The following MPRIP variants were observed in gnomAD, a reference collection of about 807,000 sequenced individuals.
MPRIP encodes the protein myosin phosphatase Rho interacting protein.
In MPRIP, 59 loss-of-function variants were observed where a neutral mutation model predicts 234.9. The observed-to-expected ratio is 0.25, with a 90% CI of 0.20 to 0.31. The LOEUF (loss-of-function observed/expected upper bound fraction) is 0.31. Ranked by LOEUF, MPRIP falls within the 10% of genes least tolerant of loss-of-function variation. The pLI is 1.00. For missense variants in MPRIP, 2,436 were observed against 3,071.0 expected (o/e 0.79, Z 4.89); for synonymous variants, 1,144 against 1,263.9 (o/e 0.91, Z 2.01).
intron 3 of MPRIP, among the ~76,000 whole-genome samples, chr17:17,110,647 T>A (rs753086130): frequency 6.6e-6 from 1 of 152,148 alleles, no homozygotes; most frequent in Non-Finnish European, 1.5e-5. Flanking sequence ...CAGTGATCAG[T>A]CGTGAAGCCT....
In MPRIP at chr17:17,166,912, C is replaced by A. The variant is rs941860870; in HGVS notation, c.5321C>A (p.Ala1774Asp). The change falls in exon 16 of 24, where the codon GCC (alanine) becomes GAC (aspartate). Residue 1774 changes from alanine to aspartate, a missense_variant. Transcript: ENST00000651222. The surrounding 1 kb of genome is among the most constrained non-coding windows in gnomAD (Gnocchi z 4.4). ...GATGTGTCTGACCAGAGCCCTGGGGCCTTTGTTGCTATTCAGGAGGAGCTT... is the reference window on the plus strand; with the variant it reads ...GATGTGTCTGACCAGAGCCCTGGGGACTTTGTTGCTATTCAGGAGGAGCTT... ...PFDVSDQSPG[A>D]FVAIQEELAQ... The A allele has an allele frequency of 1.5e-6, 2 of 1,304,026 alleles. No individual in the cohort carries two copies. Among genetic ancestry groups the A allele is most frequent in the Non-Finnish European group, 2.0e-6 (2 of 988,964 alleles). 80.8% of individuals were successfully genotyped at this position (1,304,026 alleles called of 1,614,324 possible). A position where few individuals can be genotyped will look rare whatever the true frequency, so the allele number is the denominator to read the frequency against.
chr17:17,048,220 ATC>A, intron 1 of MPRIP, among the ~76,000 whole-genome samples: 1 of 151,714 alleles, frequency 6.6e-6, no homozygotes, highest in Non-Finnish European at 1.5e-5. Flanking sequence ...CTCGGTCTTG[ATC>A]TCTCCCAGGG....
intron 1 of MPRIP, 100 bp downstream of exon 1, chr17:17,043,071 G>C: frequency 1.7e-6 from 2 of 1,186,532 alleles, no homozygotes; most frequent in Non-Finnish European, 2.4e-6. Context: ...AATGGAGCAG[G>C]GAAATGCGCG....
chr17:17,154,496 T>G, intron 13 of MPRIP, 81 bp downstream of exon 13: 1 of 1,227,890 alleles, frequency 8.1e-7, no homozygotes, highest in South Asian at 1.2e-5. Context: ...GACTCAGGTC[T>G]GAAGTCTGAG....
Position 17,176,410 on chromosome 17 carries a change from C to G in MPRIP, c.6871-16C>G, listed in dbSNP as rs2046254590. 1 of 1,600,462 alleles carries G rather than the reference C, an allele frequency of 6.2e-7. No homozygotes were observed. The highest frequency in any genetic ancestry group is 1.1e-5 in the South Asian group (1 of 90,810). On this transcript the variant is annotated splice_polypyrimidine_tract_variant and intron_variant, in intron 20 of 23. Coordinates refer to ENST00000651222, the MANE Select transcript of MPRIP (RefSeq NM_001364716.4). ...TTGCTCCTGAATATTGGTCCCTGAT[C>G]TCTCTGTCATTTTAGGTCTTATTGC...
chr17:17,052,372 G>A (rs2088568111), intron 1 of MPRIP, among the ~76,000 whole-genome samples: 2 of 152,190 alleles, frequency 1.3e-5, no homozygotes, highest in African/African-American at 4.8e-5. Context: ...TGGACTTCTA[G>A]TTCCTAGCCC....
At chr17:17,096,898 T>C (rs1475643522) in intron 3 of MPRIP, 5 of 439,740 alleles carry the variant, frequency 1.1e-5, no homozygotes, top group Non-Finnish European at 2.4e-5. Flanking sequence ...AAAGCATCCT[T>C]GTCTTCTAGA....
At chr17:17,105,355 T>C (rs2090042350) in intron 3 of MPRIP, among the ~76,000 whole-genome samples, 1 of 152,200 alleles carries the variant, frequency 6.6e-6, no homozygotes, top group Non-Finnish European at 1.5e-5. Context: ...GGGTTGCCCA[T>C]TGCTATTGTG....
chr17:17,103,715 G>GA (rs1209492699), intron 3 of MPRIP, among the ~76,000 whole-genome samples: 1 of 152,312 alleles, frequency 6.6e-6, no homozygotes, highest in African/African-American at 2.4e-5. Context: ...GGTGGGGGCT[G>GA]AAAAGAGTAT....
At chr17:17,051,405 C>T (rs2088536112) in intron 1 of MPRIP, among the ~76,000 whole-genome samples, 1 of 152,152 alleles carries the variant, frequency 6.6e-6, no homozygotes, top group African/African-American at 2.4e-5. Flanking sequence ...TCCTGGGAAA[C>T]TCATTCCCCA....
chr17:17,180,811 G>A (rs73979097), intron 23 of MPRIP: 2 of 843,276 alleles, frequency 2.4e-6, no homozygotes, highest in East Asian at 5.1e-5. Context: ...CTGCTCTGGG[G>A]AGTTAATTGG....
intron 1 of MPRIP, among the ~76,000 whole-genome samples, chr17:17,070,927 C>T (rs1288698367): frequency 6.6e-6 from 1 of 152,180 alleles, no homozygotes. Context: ...TCACCATGAC[C>T]ACCTGGTTAC....
At chr17:17,125,182 G>A (rs1228798605) in intron 3 of MPRIP, among the ~76,000 whole-genome samples, 1 of 152,230 alleles carries the variant, frequency 6.6e-6, no homozygotes, top group Non-Finnish European at 1.5e-5. Flanking sequence ...CTCCACTGAT[G>A]GAGAGCACTG....
At chr17:17,077,978 C>A in intron 2 of MPRIP, 33 bp from the exon 3 acceptor site, 2 of 1,612,734 alleles carry the variant, frequency 1.2e-6, no homozygotes, top group Non-Finnish European at 1.7e-6. Flanking sequence ...GGACCCAGAT[C>A]CTCCTAACCA....
At chr17:17,108,602 C>G (rs1464229299) in intron 3 of MPRIP, among the ~76,000 whole-genome samples, 1 of 152,064 alleles carries the variant, frequency 6.6e-6, no homozygotes, top group Non-Finnish European at 1.5e-5. Flanking sequence ...CTAAAACCTT[C>G]CATTTTAAGC....
intron 4 of MPRIP, among the ~76,000 whole-genome samples, chr17:17,128,407 A>C (rs2144402169): frequency 6.6e-6 from 1 of 152,184 alleles, no homozygotes; most frequent in South Asian, 2.1e-4. Flanking sequence ...TAGCATTTGG[A>C]CTGCCTCCAG....
intron 3 of MPRIP, among the ~76,000 whole-genome samples, chr17:17,086,560 G>A (rs1338774131): frequency 1.3e-5 from 2 of 152,226 alleles, no homozygotes; most frequent in African/African-American, 2.4e-5. Flanking sequence ...GCTCGACTGA[G>A]CTTCCTGTAG....
At chr17:17,075,309 A>G (rs2089302257) in intron 1 of MPRIP, among the ~76,000 whole-genome samples, 1 of 152,120 alleles carries the variant, frequency 6.6e-6, no homozygotes, top group Non-Finnish European at 1.5e-5. Context: ...CCTGTTTTGT[A>G]TCTTCAGGAT....
At chr17:17,079,928 G>A (rs1443428590) in intron 3 of MPRIP, among the ~76,000 whole-genome samples, 1 of 152,206 alleles carries the variant, frequency 6.6e-6, no homozygotes, top group Admixed American at 6.5e-5. Flanking sequence ...GTGCACTGTG[G>A]TCTCCCAGCA....
Sources: gnomAD v4.1 joint callset for allele counts (sites outside exome capture counted in the v4.1 genomes callset) on GRCh38, gnomAD v4.1.1 for gene constraint, Gnocchi (gnomAD v3.1) non-coding constraint, MANE v1.5 for transcripts, NCBI Gene and HGNC (gene_info 2026-07-23, HGNC 2026-07-21) for gene names.